Variants in CAMK2B observed in about 807,000 individuals in gnomAD.
The protein encoded by CAMK2B is calcium/calmodulin dependent protein kinase II beta.
A neutral mutation model predicts 93.7 loss-of-function variants in CAMK2B; 27 were observed. That is an observed-to-expected ratio of 0.29 (90% CI 0.21 to 0.40). The LOEUF (loss-of-function observed/expected upper bound fraction) is 0.40. CAMK2B is among the 10% of genes least tolerant of loss of function. The probability of loss-of-function intolerance (pLI) is 1.00; values close to 1 mark genes in which losing one functional copy is unlikely to be tolerated. For synonymous variants in CAMK2B, 374 were observed against 358.8 expected (o/e 1.04, Z -0.48); for missense variants, 568 against 895.8 (o/e 0.63, Z 4.67).
intron 1 of CAMK2B, among the ~76,000 whole-genome samples, chr7:44,318,647 C>G (rs1198394533): frequency 3.9e-5 from 6 of 152,254 alleles, no homozygotes; most frequent in African/African-American, 9.6e-5. Flanking sequence ...GACAGCAGCT[C>G]CTGCCCTCCA....
intron 1 of CAMK2B, among the ~76,000 whole-genome samples, chr7:44,320,737 C>A (rs746380451): frequency 6.6e-6 from 1 of 152,208 alleles, no homozygotes; most frequent in Non-Finnish European, 1.5e-5. Context: ...TTTAAACTAC[C>A]CTACATTAAG....
chr7:44,226,031 T>TA, intron 20 of CAMK2B: 1 of 683,988 alleles, frequency 1.5e-6, no homozygotes, highest in South Asian at 1.7e-5. Flanking sequence ...GCCCCCCAGA[T>TA]CCGCGCCTCC....
rs2096559552 is a variant in CAMK2B at position 44,229,651 on chromosome 7, TGGG to T, written c.1226-153_1226-151del. 3 of 480,654 alleles carry T rather than the reference TGGG, an allele frequency of 6.2e-6. No homozygotes were observed. The South Asian group carries it at 1.0e-4, about 16-fold the overall frequency. 29.8% of individuals were successfully genotyped at this position (480,654 alleles called of 1,614,324 possible). A position where few individuals can be genotyped will look rare whatever the true frequency, so the allele number is the denominator to read the frequency against. On this transcript the variant is annotated intron_variant, in intron 17 of 23. Coordinates refer to ENST00000395749, the MANE Select transcript of CAMK2B (RefSeq NM_001220.5). ...GGGGTGGAGGTGGGGTGGCCACCTG[TGGG>T]GGTCCTGGGCCTGTGGTGGCCGCAG...
chr7:44,299,548 A>G (rs956914174), intron 1 of CAMK2B, among the ~76,000 whole-genome samples: 4 of 152,226 alleles, frequency 2.6e-5, no homozygotes, highest in Non-Finnish European at 4.4e-5. Context: ...TGTATATATG[A>G]CACAATTTAA....
At position 44,315,158 on chromosome 7, in the gene CAMK2B, C is replaced by T. The variant is rs1454275941; in HGVS notation, c.65+10199G>A. Among the ~76,000 whole-genome samples, 4 of 152,182 alleles carry T rather than the reference C, an allele frequency of 2.6e-5. No individual in the cohort carries two copies. In the East Asian group the frequency reaches 5.8e-4, roughly 22 times the overall value. On this transcript the variant is annotated intron_variant, in intron 1 of 23. Transcript: ENST00000395749. Reference sequence around the variant, plus strand: ...ATATCTAAAAAACCATTGCCTAATACAAAGTTGCAAAGATTTACTCTTATG... The same window carrying T: ...ATATCTAAAAAACCATTGCCTAATATAAAGTTGCAAAGATTTACTCTTATG...
intron 6 of CAMK2B, among the ~76,000 whole-genome samples, chr7:44,245,902 G>A (rs1425480764): frequency 6.6e-6 from 1 of 152,136 alleles, no homozygotes; most frequent in Non-Finnish European, 1.5e-5. Context: ...CCTGTCTACA[G>A]AGAAGCAGCA....
intron 20 of CAMK2B, chr7:44,226,062 C>T: frequency 2.2e-6 from 1 of 462,306 alleles, no homozygotes; most frequent in Non-Finnish European, 3.6e-6. Context: ...CTGCTCCCTG[C>T]TGTCTGGACT....
intron 1 of CAMK2B, among the ~76,000 whole-genome samples, chr7:44,294,742 T>C (rs559966172): frequency 6.6e-6 from 1 of 152,286 alleles, no homozygotes; most frequent in South Asian, 2.1e-4. Flanking sequence ...ATATATAGGC[T>C]GGTGTATGTT....
At chr7:44,235,783 C>T (rs145194006) in intron 13 of CAMK2B, among the ~76,000 whole-genome samples, 3 of 152,310 alleles carry the variant, frequency 2.0e-5, no homozygotes, top group African/African-American at 2.4e-5. Context: ...TGCTTGCCCC[C>T]GGGCCAAGCC....
intron 1 of CAMK2B, among the ~76,000 whole-genome samples, chr7:44,309,831 GCGTC>G (rs138860697): frequency 0.13 from 19,106 of 152,244 alleles, 1,345 homozygotes; most frequent in African/African-American, 0.16. Context: ...GCCGCACTCG[GCGTC>G]CGTCCGCGCA....
chr7:44,307,351 G>C (rs1792157595), intron 1 of CAMK2B, among the ~76,000 whole-genome samples: 1 of 130,698 alleles, frequency 7.7e-6, no homozygotes, highest in African/African-American at 2.9e-5. Context: ...TCAGCAGGGG[G>C]AGGAAGTTGT....
chr7:44,295,013 G>C (rs893239949), intron 1 of CAMK2B, among the ~76,000 whole-genome samples: 2 of 152,216 alleles, frequency 1.3e-5, no homozygotes, highest in African/African-American at 4.8e-5. Flanking sequence ...AAGCCAAGTA[G>C]AGATTAGAAA....
chr7:44,237,211 A>T (rs1455849502), intron 13 of CAMK2B, among the ~76,000 whole-genome samples: 1 of 152,260 alleles, frequency 6.6e-6, no homozygotes, highest in Non-Finnish European at 1.5e-5. Context: ...AGTTAGGCCC[A>T]TCGGCGGGGC....
Position 44,219,393 on chromosome 7 carries a change from T to G in CAMK2B, c.*132A>C, listed in dbSNP as rs1275485595. 6.7e-6 allele frequency: 1 copy of G among 150,084 alleles called. No individual in the cohort carries two copies. Among genetic ancestry groups the G allele is most frequent in the Non-Finnish European group, 1.5e-5 (1 of 67,392 alleles). The allele number at this position is 150,084 out of a possible 1,614,324, so 9.3% of individuals were successfully genotyped here. A position where few individuals can be genotyped will look rare whatever the true frequency, so the allele number is the denominator to read the frequency against. ...TTTTTTTAACAAATCACATCTGGTC[T>G]TGTTTTTCTGCAGACACAGGCACCA... On this transcript the variant is annotated 3_prime_UTR_variant, in exon 24 of 24. Coordinates refer to ENST00000395749, the MANE Select transcript of CAMK2B (RefSeq NM_001220.5).
intron 1 of CAMK2B, among the ~76,000 whole-genome samples, chr7:44,322,570 C>T (rs939411210): frequency 6.6e-6 from 1 of 152,218 alleles, no homozygotes; most frequent in African/African-American, 2.4e-5. Context: ...GGGCTGAGGG[C>T]TTCCTTGCCT....
chr7:44,310,084 G>C (rs368444609), intron 1 of CAMK2B, among the ~76,000 whole-genome samples: 2 of 152,272 alleles, frequency 1.3e-5, no homozygotes, highest in African/African-American at 4.8e-5. Flanking sequence ...CGGGGGCGGG[G>C]GCGCTTTGGG....
chr7:44,293,485 T>G (rs369991394), intron 1 of CAMK2B, among the ~76,000 whole-genome samples: 1 of 152,202 alleles, frequency 6.6e-6, no homozygotes, highest in East Asian at 1.9e-4. Context: ...CTCCCATATG[T>G]TGACAATCCT....
intron 2 of CAMK2B, chr7:44,268,536 CCAAA>C (rs2096940838): frequency 6.6e-6 from 1 of 152,268 alleles, no homozygotes; most frequent in East Asian, 1.9e-4. Flanking sequence ...CTGCAGAGGC[CCAAA>C]CAAAGCAAAC....
intron 1 of CAMK2B, among the ~76,000 whole-genome samples, chr7:44,308,139 G>T (rs28687933): frequency 4.1e-4 from 63 of 152,148 alleles, no homozygotes; most frequent in African/African-American, 1.4e-3. Context: ...GGGCAGGCAC[G>T]TTCTTGTTCT....
Sources: allele counts gnomAD v4.1 joint callset (sites outside exome capture counted in the v4.1 genomes callset), GRCh38; gene constraint gnomAD v4.1.1; transcripts MANE v1.5; gene names NCBI Gene and HGNC (gene_info 2026-07-23, HGNC 2026-07-21).